Variants in WDR44 observed in about 807,000 individuals in gnomAD.
The protein encoded by WDR44 is WD repeat domain 44.
In WDR44, 9 loss-of-function variants were observed where a neutral mutation model predicts 65.7. The observed-to-expected ratio is 0.14, with a 90% CI of 0.08 to 0.24. The LOEUF (loss-of-function observed/expected upper bound fraction) is 0.24, where lower values mean the gene tolerates loss of function less well. Ranked by LOEUF, WDR44 falls within the 10% of genes least tolerant of loss-of-function variation. The probability of loss-of-function intolerance (pLI) is 1.00; values close to 1 mark genes in which losing one functional copy is unlikely to be tolerated. For missense variants in WDR44, 425 were observed against 670.9 expected, an observed-to-expected ratio of 0.63 and a Z score of 4.05; for synonymous variants, 220 against 235.2, an observed-to-expected ratio of 0.94 and a Z score of 0.59.
intron 7 of WDR44, among the ~76,000 whole-genome samples, chrX:118,397,814 G>A (rs1428564707): frequency 1.8e-5 from 2 of 112,180 alleles, no homozygotes; most frequent in South Asian, 3.7e-4. Flanking sequence ...AAGCAAAAAG[G>A]TTTGTTTGTA....
At chrX:118,401,817 A>G (rs927066924) in intron 8 of WDR44, among the ~76,000 whole-genome samples, 1 of 103,557 alleles carries the variant, frequency 9.7e-6, no homozygotes, top group East Asian at 3.0e-4. Flanking sequence ...TAACGTTTAA[A>G]TCTTTAATCC....
intron 6 of WDR44, among the ~76,000 whole-genome samples, chrX:118,396,442 G>A (rs989753934): frequency 2.7e-5 from 3 of 112,160 alleles, no homozygotes; most frequent in African/African-American, 9.7e-5. Context: ...ATAAAATGTG[G>A]TATATTCATA....
At chrX:118,363,401 C>CAA (rs58108879) in intron 1 of WDR44, among the ~76,000 whole-genome samples, 4 of 35,449 alleles carry the variant, frequency 1.1e-4, no homozygotes, top group Non-Finnish European at 2.0e-4. Context: ...AACTCCGTCT[C>CAA]AAAAAAAAAA....
At chrX:118,359,381 G>A (rs946987741) in intron 1 of WDR44, among the ~76,000 whole-genome samples, 3 of 112,289 alleles carry the variant, frequency 2.7e-5, no homozygotes, top group Non-Finnish European at 5.6e-5. Flanking sequence ...GGTTGTGAAT[G>A]TGCAGAATAG....
rs572097317 is a variant in WDR44, at chrX:118,424,007, A to G, written c.1738-8774A>G. ...TCTTTATCCATTCATCTGTCAATGG[A>G]CATTTAGGTTGTTTCCATGTCTAGG... On this transcript the variant is annotated intron_variant, in intron 12 of 19. Coordinates refer to ENST00000254029, the MANE Select transcript of WDR44 (RefSeq NM_019045.5). Among the ~76,000 whole-genome samples the G allele has an allele frequency of 2.0e-4, 22 of 110,555 alleles. 1 individual carries two copies. The South Asian group carries it at 8.4e-3, about 42-fold the overall frequency.
chrX:118,404,401 T>C lies in WDR44; in HGVS notation c.1338T>C (p.Tyr446=). 8.3e-7 allele frequency: 1 copy of C among 1,206,549 alleles called. No individual in the cohort carries two copies. Among genetic ancestry groups the C allele is most frequent in the South Asian group, 1.8e-5 (1 of 55,525 alleles). ...GAGCAAAGCACCTTGCTGAGGAATA[T>C]GGTGAACGTGCTATAAATAAAGTTA... is the stretch of plus-strand genomic sequence containing the variant. ...VKRAKHLAEE[Y]GERAINKVKS... The change falls in exon 9 of 20, where the codon TAT becomes TAC. Residue 446 remains tyrosine (Y), a synonymous_variant. Transcript: ENST00000254029.
At position 118,398,432 on chromosome X, in the gene WDR44, G is replaced by T. The variant is rs752065653; in HGVS notation, c.1236G>T (p.Gln412His). The T allele has an allele frequency of 8.3e-7, 1 of 1,208,419 alleles. No individual in the cohort carries two copies. The highest frequency in any genetic ancestry group is 1.8e-5 in the African/African-American group (1 of 56,959). The change falls in exon 8 of 20, where the codon CAG becomes CAT. Residue 412 changes from glutamine to histidine, a missense_variant. Gln to His is a conservative substitution (Grantham distance 24, BLOSUM62 0). Transcript: ENST00000254029. ...ATGATGAAGAGAAGTTACAGTCTCA[G>T]CCAACAGATACTGATGGTGGAAGGT... ...QSDDEEKLQS[Q>H]PTDTDGGRLK...
chrX:118,441,594 ATACT>A, intron 15 of WDR44, 35 bp downstream of exon 15: 1 of 1,120,264 alleles, frequency 8.9e-7, no homozygotes, highest in East Asian at 3.0e-5. Flanking sequence ...ATATAATTGT[ATACT>A]TAGTAAACAC....
intron 8 of WDR44, among the ~76,000 whole-genome samples, chrX:118,399,155 A>G (rs1183219767): frequency 8.9e-6 from 1 of 111,844 alleles, no homozygotes; most frequent in Non-Finnish European, 1.9e-5. Context: ...TCTTTTCTCA[A>G]TTTTGGGAAT....
At chrX:118,368,688 G>GAAGTAGCA (rs1366723992) in intron 1 of WDR44, among the ~76,000 whole-genome samples, 28 of 86,933 alleles carry the variant, frequency 3.2e-4, no homozygotes, top group African/African-American at 1.7e-3. Flanking sequence ...CTAATCATAT[G>GAAGTAGCA]AAGTAGCAAT....
At chrX:118,360,331 C>G (rs949911288) in intron 1 of WDR44, among the ~76,000 whole-genome samples, 4 of 112,400 alleles carry the variant, frequency 3.6e-5, no homozygotes, top group Admixed American at 1.9e-4. Flanking sequence ...AGAACAGTCT[C>G]TTGTTCTCTA....
chrX:118,366,413 T>TA (rs2056553031), intron 1 of WDR44, among the ~76,000 whole-genome samples: 1 of 111,487 alleles, frequency 9.0e-6, no homozygotes, highest in Non-Finnish European at 1.9e-5. Context: ...TGCATGTTTT[T>TA]AAAAAAATAT....
At chrX:118,398,577 C>T (rs1237809566) in intron 8 of WDR44, 107 bp downstream of exon 8, 6 of 617,822 alleles carry the variant, frequency 9.7e-6, no homozygotes, top group Non-Finnish European at 1.3e-5. Flanking sequence ...TATGTCTACC[C>T]ACCACCATTC....
intron 1 of WDR44, among the ~76,000 whole-genome samples, chrX:118,374,317 A>G (rs1255895054): frequency 8.9e-6 from 1 of 112,014 alleles, no homozygotes; most frequent in Non-Finnish European, 1.9e-5. Flanking sequence ...AAATCATTTT[A>G]GCCAACTTTG....
intron 8 of WDR44, among the ~76,000 whole-genome samples, chrX:118,398,804 G>A (rs1569369791): frequency 9.0e-6 from 1 of 111,392 alleles, no homozygotes; most frequent in African/African-American, 3.3e-5. Context: ...ACAGGTGCCT[G>A]TAATCCCAGC....
At chrX:118,387,453 C>T in intron 3 of WDR44, 39 bp downstream of exon 3, 1 of 1,003,150 alleles carries the variant, frequency 1.0e-6, no homozygotes, top group East Asian at 3.2e-5. Flanking sequence ...TTATAGCAGA[C>T]ATCATATTTA....
At chrX:118,358,939 T>C (rs754296001) in intron 1 of WDR44, among the ~76,000 whole-genome samples, 2 of 110,008 alleles carry the variant, frequency 1.8e-5, no homozygotes, top group Non-Finnish European at 3.8e-5. Flanking sequence ...CCGGGCATGG[T>C]AGCACACAGG....
At chrX:118,438,801 T>G (rs1234900559) in intron 14 of WDR44, among the ~76,000 whole-genome samples, 1 of 95,915 alleles carries the variant, frequency 1.0e-5, no homozygotes, top group Non-Finnish European at 2.1e-5. Context: ...AGCCATGTTT[T>G]TTTTTTTTTT....
intron 12 of WDR44, among the ~76,000 whole-genome samples, chrX:118,416,032 C>G (rs5956984): frequency 0.16 from 17,634 of 111,196 alleles, 2,493 homozygotes; most frequent in African/African-American, 0.44. Context: ...GTAATATCTC[C>G]TGTTTCTCTT....
Sources: gnomAD v4.1 joint callset for allele counts (sites outside exome capture counted in the v4.1 genomes callset) on GRCh38, gnomAD v4.1.1 for gene constraint, MANE v1.5 for transcripts, NCBI Gene and HGNC (gene_info 2026-07-23, HGNC 2026-07-21) for gene names.